Variants in CCSER1 observed in about 807,000 individuals in gnomAD.
CCSER1 encodes serine-rich coiled-coil domain-containing protein 1.
A neutral mutation model predicts 82.0 loss-of-function variants in CCSER1; 41 were observed. The ratio of observed to expected loss-of-function variants is 0.50; its 90% CI spans 0.39 to 0.65. The LOEUF (loss-of-function observed/expected upper bound fraction) is 0.65. CCSER1 is among the 30% of genes least tolerant of loss of function. The pLI, the probability that CCSER1 is intolerant of heterozygous loss-of-function variation, is 0.00. For missense variants in CCSER1, 1,119 were observed against 1,064.2 expected (o/e 1.05, Z -0.72); for synonymous variants, 414 against 383.9 (o/e 1.08, Z -0.92).
At chr4:91,444,059 T>G (rs1180314553) in intron 10 of CCSER1, among the ~76,000 whole-genome samples, 1 of 152,060 alleles carries the variant, frequency 6.6e-6, no homozygotes, top group Non-Finnish European at 1.5e-5. Flanking sequence ...TTTTATTAGG[T>G]TTTTTCAATT....
chr4:91,559,311 A>G (rs1406793052), intron 10 of CCSER1, among the ~76,000 whole-genome samples: 4 of 151,620 alleles, frequency 2.6e-5, no homozygotes, highest in Non-Finnish European at 4.4e-5. Context: ...GTCCACTATG[A>G]GCATCTTCAA....
chr4:90,206,838 A>AAC (rs1412090421), intron 1 of CCSER1, among the ~76,000 whole-genome samples: 1 of 150,694 alleles, frequency 6.6e-6, no homozygotes, highest in Non-Finnish European at 1.5e-5. Context: ...GGTCTCTAAG[A>AAC]ACTTGCTTTT....
chr4:90,657,161 T>C (rs1319557504), intron 6 of CCSER1, among the ~76,000 whole-genome samples: 1 of 152,134 alleles, frequency 6.6e-6, no homozygotes, highest in Non-Finnish European at 1.5e-5. Flanking sequence ...TCTGTCTCCC[T>C]TTCATTCTTT....
intron 10 of CCSER1, among the ~76,000 whole-genome samples, chr4:91,186,885 T>C (rs1169009858): frequency 6.6e-6 from 1 of 152,234 alleles, no homozygotes; most frequent in Non-Finnish European, 1.5e-5. Flanking sequence ...CAGGTGTTCC[T>C]TGCCCTCATT....
rs77069814 is a variant in CCSER1 at position 91,406,556 on chromosome 4, G to A, written c.2218-192016G>A. On this transcript the variant is annotated intron_variant, in intron 10 of 10. Transcript: ENST00000509176. ...TAAATAAGCAGTTCCACAAATACAC[G>A]CTAGTAAATTCTAGAGCTGATAGAA... Among the ~76,000 whole-genome samples, 335 of 152,214 alleles carry A rather than the reference G, an allele frequency of 2.2e-3. 10 individuals are homozygous for A. In the East Asian group the frequency reaches 0.057, roughly 26 times the overall value.
At chr4:91,162,751 G>A (rs757638612) in intron 10 of CCSER1, among the ~76,000 whole-genome samples, 15 of 152,088 alleles carry the variant, frequency 9.9e-5, no homozygotes, top group Non-Finnish European at 8.8e-5. Context: ...ATGGTAGTTT[G>A]TATTTCTGTG....
At chr4:91,481,702 C>G (rs1315079406) in intron 10 of CCSER1, among the ~76,000 whole-genome samples, 1 of 152,110 alleles carries the variant, frequency 6.6e-6, no homozygotes, top group Non-Finnish European at 1.5e-5. Flanking sequence ...CAGCCACATA[C>G]AAAACCCTAA....
intron 10 of CCSER1, among the ~76,000 whole-genome samples, chr4:91,539,793 C>T (rs928287187): frequency 5.9e-5 from 9 of 152,086 alleles, no homozygotes; most frequent in African/African-American, 1.9e-4. Context: ...TTACTTACTA[C>T]ATCTTTAATT....
At chr4:90,913,245 G>C (rs1726716645) in intron 8 of CCSER1, among the ~76,000 whole-genome samples, 1 of 152,140 alleles carries the variant, frequency 6.6e-6, no homozygotes, top group Non-Finnish European at 1.5e-5. Context: ...CAGAGAGAAA[G>C]GTCAGGTTAC....
intron 10 of CCSER1, among the ~76,000 whole-genome samples, chr4:91,493,072 A>G (rs970161649): frequency 1.3e-5 from 2 of 151,996 alleles, no homozygotes; most frequent in Admixed American, 6.6e-5. Flanking sequence ...ATTGCCCTCA[A>G]GGAGTATAGT....
At chr4:91,284,630 C>A (rs142767567) in intron 10 of CCSER1, among the ~76,000 whole-genome samples, 13 of 152,184 alleles carry the variant, frequency 8.5e-5, no homozygotes, top group South Asian at 4.1e-4. Context: ...CCCATTCCAT[C>A]CATGTCTTTC....
At chr4:90,664,314 G>T (rs1189032772) in intron 6 of CCSER1, among the ~76,000 whole-genome samples, 1 of 152,146 alleles carries the variant, frequency 6.6e-6, no homozygotes, top group Non-Finnish European at 1.5e-5. Context: ...ATATAATTTT[G>T]TGATTTGTGT....
intron 1 of CCSER1, among the ~76,000 whole-genome samples, chr4:90,186,843 T>C (rs1381144907): frequency 4.6e-5 from 7 of 152,006 alleles, no homozygotes; most frequent in Admixed American, 4.6e-4. Context: ...TTCCTGGTTT[T>C]TCCCCCCCAT....
chr4:90,883,556 AATGAATGG>A (rs1198330079), intron 8 of CCSER1, among the ~76,000 whole-genome samples: 1 of 150,776 alleles, frequency 6.6e-6, no homozygotes, highest in Non-Finnish European at 1.5e-5. Flanking sequence ...TTTTAGGTCG[AATGAATGG>A]CAAGTGTACA....
intron 10 of CCSER1, among the ~76,000 whole-genome samples, chr4:91,290,239 T>C (rs1025026439): frequency 1.3e-5 from 2 of 152,012 alleles, no homozygotes; most frequent in African/African-American, 4.8e-5. Flanking sequence ...AAATTAACAC[T>C]GGGAGTGGAA....
chr4:91,332,627 A>G (rs1014167987), intron 10 of CCSER1, among the ~76,000 whole-genome samples: 4 of 152,006 alleles, frequency 2.6e-5, no homozygotes, highest in Admixed American at 6.6e-5. Flanking sequence ...TTACAGCGCT[A>G]CAAAAGGAGG....
chr4:90,745,045 G>A (rs1232970901), intron 7 of CCSER1, among the ~76,000 whole-genome samples: 1 of 151,760 alleles, frequency 6.6e-6, no homozygotes, highest in Non-Finnish European at 1.5e-5. Context: ...CACAAACTCG[G>A]TGGCTTAAAA....
intron 10 of CCSER1, among the ~76,000 whole-genome samples, chr4:91,509,843 T>A (rs1201276911): frequency 6.6e-6 from 1 of 152,164 alleles, no homozygotes; most frequent in African/African-American, 2.4e-5. Context: ...ATATAGATTT[T>A]TTTTACATAA....
chr4:91,591,735 T>C (rs1176069807), intron 10 of CCSER1, among the ~76,000 whole-genome samples: 2 of 152,196 alleles, frequency 1.3e-5, no homozygotes, highest in Non-Finnish European at 2.9e-5. Flanking sequence ...AGTATTTTTA[T>C]AGCTCTGGAT....
Sources: gnomAD v4.1 joint callset for allele counts (sites outside exome capture counted in the v4.1 genomes callset) on GRCh38, gnomAD v4.1.1 for gene constraint, MANE v1.5 for transcripts, NCBI Gene and HGNC (gene_info 2026-07-23, HGNC 2026-07-21) for gene names.